MORC3: variants seen among roughly 807,000 people sequenced by gnomAD.
The protein encoded by MORC3 is MORC family CW-type zinc finger protein 3.
Under a neutral mutation model 109.1 loss-of-function variants are expected in MORC3, and 31 were observed. The observed-to-expected ratio is 0.28, with a 90% CI of 0.21 to 0.38. The LOEUF is 0.38. MORC3 is among the 10% of genes least tolerant of loss of function. The pLI is 1.00. For synonymous variants in MORC3, 395 were observed against 380.7 expected, an observed-to-expected ratio of 1.04 and a Z score of -0.44; for missense variants, 867 against 1,135.8, an observed-to-expected ratio of 0.76 and a Z score of 3.40.
In MORC3 at chr21:36,369,037, C is replaced by T. The variant is rs773991457; in HGVS notation, c.1669C>T (p.Arg557Trp). The T allele has an allele frequency of 6.2e-7, 1 of 1,613,256 alleles. No individual in the cohort carries two copies. Reference sequence around the variant, plus strand: ...TTCCTCAATTTTGAATGCAAAGAATCGGAGATTGAGTAGTCAGTTTGAAAA... The same window carrying T: ...TTCCTCAATTTTGAATGCAAAGAATTGGAGATTGAGTAGTCAGTTTGAAAA... ...TRSSILNAKN[R>W]RLSSQFENSV... Residue 557 changes from arginine to tryptophan, a missense_variant, in exon 15 of 17, where the codon CGG becomes TGG. Arg to Trp is a moderately radical substitution (Grantham distance 101, BLOSUM62 -3). Coordinates refer to ENST00000400485, the MANE Select transcript of MORC3 (RefSeq NM_015358.3).
At chr21:36,360,406 A>C (rs1392211835) in intron 12 of MORC3, 148 bp downstream of exon 12, 2 of 745,840 alleles carry the variant, frequency 2.7e-6, no homozygotes, top group Non-Finnish European at 4.3e-6. Flanking sequence ...AGGGCTTTAA[A>C]AACAAAAACT....
chr21:36,357,030 G>T (rs2085652806), intron 10 of MORC3, among the ~76,000 whole-genome samples: 1 of 152,102 alleles, frequency 6.6e-6, no homozygotes, highest in Admixed American at 6.6e-5. Flanking sequence ...AGGATGATGG[G>T]GCTGAAACCC....
Position 36,369,150 on chromosome 21 carries a change from T to C in MORC3, c.1782T>C (p.Ile594=), listed in dbSNP as rs2146340223. Residue 594 remains isoleucine, a synonymous_variant, in exon 15 of 17, where the codon ATT becomes ATC. Coordinates refer to ENST00000400485, the MANE Select transcript of MORC3 (RefSeq NM_015358.3). The part of the protein sequence containing the change: ...STPKPAVDHD[I]DMKSEQSHVE... ...CCAAACCTGCAGTAGATCATGATAT[T>C]GACATGAAATCAGAACAGAGTCACG... 1 of 1,614,078 alleles carries C rather than the reference T, an allele frequency of 6.2e-7. No individual in the cohort carries two copies. Among genetic ancestry groups the C allele is most frequent in the East Asian group, 2.2e-5 (1 of 44,884 alleles).
At chr21:36,371,305 G>A (rs1293092312) in intron 15 of MORC3, among the ~76,000 whole-genome samples, 1 of 152,132 alleles carries the variant, frequency 6.6e-6, no homozygotes, top group East Asian at 1.9e-4. Context: ...TGGCTCAGGA[G>A]TTGAATGACA....
At chr21:36,362,125 A>AT (rs2085724129) in intron 12 of MORC3, 58 bp from the exon 13 acceptor site, 1 of 1,535,586 alleles carries the variant, frequency 6.5e-7, no homozygotes, top group Admixed American at 1.7e-5. Context: ...AATGGCAGGT[A>AT]TGTCATTGGG....
intron 2 of MORC3, among the ~76,000 whole-genome samples, chr21:36,334,857 A>G (rs966006790): frequency 1.3e-5 from 2 of 152,156 alleles, no homozygotes; most frequent in African/African-American, 4.8e-5. Flanking sequence ...GGCTGGGCAC[A>G]CAGTTGTTCA....
intron 15 of MORC3, among the ~76,000 whole-genome samples, chr21:36,371,099 A>G (rs150611389): frequency 6.6e-6 from 1 of 152,310 alleles, no homozygotes; most frequent in African/African-American, 2.4e-5. Context: ...GAGACAAATG[A>G]TAAATATCAG....
At chr21:36,364,399 G>A in intron 14 of MORC3, 140 bp downstream of exon 14, 2 of 967,142 alleles carry the variant, frequency 2.1e-6, no homozygotes, top group Non-Finnish European at 3.1e-6. Flanking sequence ...AAATCTTCAG[G>A]ACAAATTGTC....
At chr21:36,341,719 TCA>T (rs138050385) in intron 6 of MORC3, among the ~76,000 whole-genome samples, 173 bp downstream of exon 6, 1 of 152,004 alleles carries the variant, frequency 6.6e-6, no homozygotes, top group African/African-American at 2.4e-5. Flanking sequence ...TGAGGCTGTA[TCA>T]CACACACACA....
chr21:36,325,472 G>A (rs952136070), intron 1 of MORC3, among the ~76,000 whole-genome samples: 3 of 152,202 alleles, frequency 2.0e-5, no homozygotes, highest in African/African-American at 7.2e-5. Flanking sequence ...TAAAACACAT[G>A]TAGCAAACAA....
At chr21:36,343,191 G>C (rs537652802) in intron 6 of MORC3, among the ~76,000 whole-genome samples, 14 of 151,620 alleles carry the variant, frequency 9.2e-5, no homozygotes, top group African/African-American at 3.4e-4. Flanking sequence ...CACCTCCTGG[G>C]TTCAAGGGAT....
intron 9 of MORC3, among the ~76,000 whole-genome samples, chr21:36,356,199 A>G (rs1043936458): frequency 3.3e-5 from 5 of 152,204 alleles, no homozygotes; most frequent in South Asian, 2.1e-4. Context: ...CTTGACTGCA[A>G]ATGAAACCAC....
intron 5 of MORC3, chr21:36,339,509 A>AG (rs2085415141): frequency 6.8e-6 from 1 of 146,994 alleles, no homozygotes; most frequent in East Asian, 2.3e-4. Flanking sequence ...CTCAAAAAAA[A>AG]AAAAAAAAAA....
chr21:36,321,052 G>A (rs767048794), intron 1 of MORC3, among the ~76,000 whole-genome samples: 5 of 152,212 alleles, frequency 3.3e-5, no homozygotes, highest in Non-Finnish European at 5.9e-5. Context: ...GAGCGCAGTT[G>A]ATGTTATGCT....
intron 6 of MORC3, 140 bp from the exon 7 acceptor site, chr21:36,344,439 A>C (rs2085485754): frequency 2.0e-6 from 2 of 1,010,740 alleles, no homozygotes; most frequent in Non-Finnish European, 2.8e-6. Flanking sequence ...AATCAGAATA[A>C]CATACAGCTT....
chr21:36,321,296 C>A (rs777939519), intron 1 of MORC3, among the ~76,000 whole-genome samples: 1 of 152,102 alleles, frequency 6.6e-6, no homozygotes, highest in African/African-American at 2.4e-5. Flanking sequence ...CTTTTACTTG[C>A]GTTTCCTTGA....
intron 1 of MORC3, chr21:36,320,611 A>C (rs1351720536): frequency 1.0e-5 from 3 of 292,686 alleles, no homozygotes; most frequent in African/African-American, 6.6e-5. Context: ...CCTCGGCGGG[A>C]GATCGGTCTG....
intron 16 of MORC3, among the ~76,000 whole-genome samples, chr21:36,373,014 G>A (rs563022705): frequency 3.3e-5 from 5 of 152,220 alleles, no homozygotes; most frequent in South Asian, 4.1e-4. Flanking sequence ...AATTGCCATA[G>A]TACAGATGAT....
At chr21:36,332,446 T>C (rs899601034) in intron 1 of MORC3, among the ~76,000 whole-genome samples, 5 of 151,842 alleles carry the variant, frequency 3.3e-5, no homozygotes, top group South Asian at 2.1e-4. Flanking sequence ...AGAAAAAAAA[T>C]AGGACAGGCT....
Sources: allele counts gnomAD v4.1 joint callset (sites outside exome capture counted in the v4.1 genomes callset), GRCh38; gene constraint gnomAD v4.1.1; transcripts MANE v1.5; gene names NCBI Gene and HGNC (gene_info 2026-07-23, HGNC 2026-07-21).